Variants in RGMB observed in about 807,000 individuals in gnomAD.
RGMB encodes repulsive guidance molecule BMP co-receptor b.
In RGMB, 16 loss-of-function variants were observed where a neutral mutation model predicts 26.9. The observed-to-expected ratio is 0.60, with a 90% confidence interval of 0.40 to 0.90. RGMB has a LOEUF of 0.90. Ranked by LOEUF, RGMB falls within the 40% of genes least tolerant of loss-of-function variation. The pLI is 0.00. For missense variants in RGMB, 512 were observed against 573.3 expected (o/e 0.89, Z 1.09); for synonymous variants, 225 against 229.3 (o/e 0.98, Z 0.17).
intron 2 of RGMB, 94 bp from the exon 3 acceptor site, chr5:98,792,990 CA>C (rs1391366627): frequency 1.5e-5 from 15 of 973,594 alleles, no homozygotes; most frequent in Non-Finnish European, 2.2e-5. Context: ...TTAAGCCATT[CA>C]GCTTCAAAAT....
At chr5:98,772,542 GAAAGGC>G (rs1746200362), upstream of RGMB, 1 of 152,226 alleles carries the variant, frequency 6.6e-6, no homozygotes. Flanking sequence ...GCTGTTTGGG[GAAAGGC>G]AAAGGCGAGG....
intron 1 of RGMB, 83 bp from the exon 2 acceptor site, chr5:98,779,497 C>A: frequency 7.4e-7 from 1 of 1,350,700 alleles, no homozygotes; most frequent in Non-Finnish European, 9.9e-7. Flanking sequence ...CAAACAATTC[C>A]CAAAGAACAA....
upstream of RGMB, chr5:98,769,872 G>T (rs565133480): frequency 6.6e-6 from 1 of 152,586 alleles, no homozygotes; most frequent in African/African-American, 2.4e-5. Flanking sequence ...CCTAGTTTAC[G>T]CTCACCCCGC....
rs368983407 is a variant in RGMB at position 98,793,428 on chromosome 5, C to T, written c.989C>T (p.Ser330Phe). Residue 330 changes from serine (S) to phenylalanine (F), a missense_variant, in exon 3 of 3, where the codon TCT (serine) becomes TTT (phenylalanine). Transcript: ENST00000513185. ...ATCGATGACGGGCAGGGCCAGGTGTCTGCCATCCTGGGACACAGCCTGCCT... is the reference window on the plus strand; with the variant it reads ...ATCGATGACGGGCAGGGCCAGGTGTTTGCCATCCTGGGACACAGCCTGCCT... ...ERIDDGQGQV[S>F]AILGHSLPRT... 1.7e-5 allele frequency: 27 copies of T among 1,612,090 alleles called. No individual in the cohort carries two copies. The African/African-American group carries it at 3.2e-4, about 19-fold the overall frequency.
In RGMB at chr5:98,774,056, C is replaced by G. The variant is rs1467677283; in HGVS notation, c.-15C>G. 1.8e-5 allele frequency: 16 copies of G among 882,668 alleles called. No homozygotes were observed. The East Asian group carries it at 4.5e-4, about 25-fold the overall frequency. The allele number at this position is 882,668 out of a possible 1,614,324, so 54.7% of individuals were successfully genotyped here. On this transcript the variant is annotated 5_prime_UTR_variant, in exon 1 of 3. Coordinates refer to ENST00000513185, the MANE Select transcript of RGMB (RefSeq NM_001366508.1). ...GCCGCCCTCGCCGGAGCCCACGAGA[C>G]CTGCATGGACGGGCATGGGCTTGAG...
intron 2 of RGMB, among the ~76,000 whole-genome samples, chr5:98,790,116 T>C (rs948524799): frequency 6.6e-6 from 1 of 152,256 alleles, no homozygotes; most frequent in Non-Finnish European, 1.5e-5. Context: ...GTAATTGTTA[T>C]GAGGAATGAA....
chr5:98,792,786 A>C (rs189154024), intron 2 of RGMB: 59 of 200,256 alleles, frequency 2.9e-4, no homozygotes, highest in African/African-American at 1.2e-3. Flanking sequence ...AAAAAAAAAA[A>C]AAAAAACCGA....
chr5:98,774,086 G>A lies in RGMB; in HGVS notation c.16G>A (p.Ala6Thr). 1.8e-6 allele frequency: 2 copies of A among 1,123,204 alleles called. No individual in the cohort carries two copies. Among genetic ancestry groups the A allele is most frequent in the Non-Finnish European group, 2.6e-6 (2 of 782,712 alleles). 69.6% of individuals were successfully genotyped at this position (1,123,204 alleles called of 1,614,324 possible). Reference sequence around the variant, plus strand: ...ATGGACGGGCATGGGCTTGAGAGCAGCACCTTCCAGCGCCGCCGCTGCCGC... The same window carrying A: ...ATGGACGGGCATGGGCTTGAGAGCAACACCTTCCAGCGCCGCCGCTGCCGC... MGLRA[A>T]PSSAAAAAAE... The change falls in exon 1 of 3, where the codon GCA (alanine) becomes ACA (threonine). Residue 6 changes from alanine to threonine, a missense_variant. Physicochemically the swap from Ala to Thr is moderately conservative, Grantham distance 58. Coordinates refer to ENST00000513185, the MANE Select transcript of RGMB (RefSeq NM_001366508.1).
At position 98,783,539 on chromosome 5, in the gene RGMB, A is replaced by T. The variant is rs531397061; in HGVS notation, c.645+3451A>T. On this transcript the variant is annotated intron_variant, in intron 2 of 2. Transcript: ENST00000513185. Reference sequence around the variant, plus strand: ...TCACACACTCAAGATAAACCAGATGATCTGTTTTGAGGATGCTTGACTTCT... The same window carrying T: ...TCACACACTCAAGATAAACCAGATGTTCTGTTTTGAGGATGCTTGACTTCT... 2.0e-4 allele frequency among the ~76,000 whole-genome samples: 30 copies of T among 152,268 alleles called. 1 individual carries two copies. In the South Asian group the frequency reaches 5.6e-3, roughly 28 times the overall value.
Position 98,792,734 on chromosome 5 carries a change from G to A in RGMB, c.646-351G>A, listed in dbSNP as rs377053007. ...TGCAGTGAGCTATGAATGTGCCACC[G>A]CACTCTAGCCTGGGCAAGAGAGCTG... is the stretch of plus-strand genomic sequence containing the variant. On this transcript the variant is annotated intron_variant, in intron 2 of 2. Coordinates refer to ENST00000513185, the MANE Select transcript of RGMB (RefSeq NM_001366508.1). The A allele has an allele frequency of 8.9e-4, 143 of 161,098 alleles. 3 individuals carry two copies. The South Asian group carries it at 0.023, about 26-fold the overall frequency. The allele number at this position is 161,098 out of a possible 1,614,324, so 10.0% of individuals were successfully genotyped here.
At chr5:98,774,755 T>C (rs902308713) in intron 1 of RGMB, among the ~76,000 whole-genome samples, 1 of 152,128 alleles carries the variant, frequency 6.6e-6, no homozygotes, top group African/African-American at 2.4e-5. Context: ...GGGATTTCTT[T>C]CGTTTTGGCA....
At chr5:98,793,034 G>A (rs901390334) in intron 2 of RGMB, 51 bp from the exon 3 acceptor site, 102 of 1,457,304 alleles carry the variant, frequency 7.0e-5, no homozygotes, top group African/African-American at 3.2e-4. Flanking sequence ...GGGTTACCCC[G>A]TTCTGCTTCC....
Position 98,774,162 on chromosome 5 carries a change from A to G in RGMB, c.92A>G (p.Glu31Gly). ...RSPGLCPPPL[E>G]LLLLLLFSLG... ...CCCGGGCTCTGCCCCCCGCCGCTGG[A>G]GCTGCTGCTGCTGCTGCTGTTCAGC... Residue 31 changes from glutamate to glycine, a missense_variant, in exon 1 of 3, where the codon GAG (glutamate) becomes GGG (glycine). Physicochemically the swap from Glu to Gly is moderately conservative, Grantham distance 98. Coordinates refer to ENST00000513185, the MANE Select transcript of RGMB (RefSeq NM_001366508.1). 7.2e-7 allele frequency: 1 copy of G among 1,393,152 alleles called. No homozygotes were observed. The highest frequency in any genetic ancestry group is 9.6e-7 in the Non-Finnish European group (1 of 1,043,308). The allele number at this position is 1,393,152 out of a possible 1,614,324, so 86.3% of individuals were successfully genotyped here.
At chr5:98,790,973 A>C (rs377162447) in intron 2 of RGMB, among the ~76,000 whole-genome samples, 1 of 152,152 alleles carries the variant, frequency 6.6e-6, no homozygotes, top group African/African-American at 2.4e-5. Context: ...TTCATCTCCA[A>C]GGGATCCCAG....
intron 1 of RGMB, 59 bp from the exon 2 acceptor site, chr5:98,779,521 T>C (rs1746519807): frequency 3.5e-6 from 5 of 1,434,418 alleles, no homozygotes; most frequent in Non-Finnish European, 4.6e-6. Flanking sequence ...GATTTTCTCA[T>C]GTAGCTCAGG....
chr5:98,776,992 A>T (rs1467284060), intron 1 of RGMB, among the ~76,000 whole-genome samples: 1 of 151,964 alleles, frequency 6.6e-6, no homozygotes, highest in Admixed American at 6.6e-5. Context: ...AGGCTGAGGT[A>T]GGAGAATCGC....
chr5:98,775,292 T>C (rs976363257), intron 1 of RGMB, among the ~76,000 whole-genome samples: 19 of 152,332 alleles, frequency 1.2e-4, no homozygotes, highest in Non-Finnish European at 2.6e-4. Context: ...ATGTGACATC[T>C]GAGGAGACTT....
chr5:98,770,437 G>A (rs1297900718), upstream of RGMB: 7 of 411,006 alleles, frequency 1.7e-5, no homozygotes, highest in East Asian at 2.5e-4. Context: ...AATGCTTTTT[G>A]CACCTGCCGT....
At chr5:98,784,581 T>C (rs1470275714) in intron 2 of RGMB, among the ~76,000 whole-genome samples, 1 of 152,204 alleles carries the variant, frequency 6.6e-6, no homozygotes, top group Non-Finnish European at 1.5e-5. Context: ...GGGTCATTCT[T>C]TGTTGGTTAC....
Sources: gnomAD v4.1 joint callset for allele counts (sites outside exome capture counted in the v4.1 genomes callset) on GRCh38, gnomAD v4.1.1 for gene constraint, MANE v1.5 for transcripts, NCBI Gene and HGNC (gene_info 2026-07-23, HGNC 2026-07-21) for gene names.